IQCM: variants seen among roughly 807,000 people sequenced by gnomAD.
IQCM encodes the protein IQ motif containing M.
Under a neutral mutation model 57.6 loss-of-function variants are expected in IQCM, and 45 were observed. The ratio of observed to expected loss-of-function variants is 0.78; its 90% CI spans 0.62 to 1.00. The LOEUF is 1.00. Among genes scored for constraint, IQCM ranks in the 50% least tolerant of loss-of-function variants. IQCM has a pLI of 0.00. For missense variants in IQCM, 468 were observed against 511.6 expected, an observed-to-expected ratio of 0.91 and a Z score of 0.82; for synonymous variants, 148 against 158.9, an observed-to-expected ratio of 0.93 and a Z score of 0.51.
intron 12 of IQCM, among the ~76,000 whole-genome samples, chr4:149,481,809 A>T (rs1476814979): frequency 6.7e-6 from 1 of 149,678 alleles, no homozygotes; most frequent in African/African-American, 2.4e-5. Flanking sequence ...TATGTGAAGA[A>T]TGTCATTGGT....
chr4:149,750,333 A>C (rs1230623817), intron 2 of IQCM, among the ~76,000 whole-genome samples: 1 of 152,206 alleles, frequency 6.6e-6, no homozygotes, highest in Admixed American at 6.5e-5. Context: ...CAACCCTCAT[A>C]TGCCGAGAGA....
chr4:149,670,940 C>CTTTTTTTTTTTTTTTT (rs57287015), intron 7 of IQCM, among the ~76,000 whole-genome samples: 1 of 143,374 alleles, frequency 7.0e-6, no homozygotes. Context: ...AAAATTCTCT[C>CTTTTTTTTTTTTTTTT]TTTTTTTTTT....
At chr4:149,458,313 T>C (rs1295946967) in intron 12 of IQCM, among the ~76,000 whole-genome samples, 2 of 151,966 alleles carry the variant, frequency 1.3e-5, no homozygotes, top group Non-Finnish European at 2.9e-5. Flanking sequence ...TGTACTATGC[T>C]TAGTACTTTT....
At chr4:149,746,694 T>A (rs1433769026) in intron 2 of IQCM, among the ~76,000 whole-genome samples, 2 of 152,222 alleles carry the variant, frequency 1.3e-5, no homozygotes, top group Admixed American at 6.5e-5. Flanking sequence ...TTTTCTCATT[T>A]ACAAGGTAAA....
At chr4:149,801,450 T>C (rs1333624399) in intron 2 of IQCM, among the ~76,000 whole-genome samples, 3 of 152,102 alleles carry the variant, frequency 2.0e-5, no homozygotes, top group South Asian at 2.1e-4. Context: ...CCCATGTTTG[T>C]TGCAGCTCTG....
chr4:149,749,750 A>G (rs968907111), intron 2 of IQCM, among the ~76,000 whole-genome samples: 1 of 152,124 alleles, frequency 6.6e-6, no homozygotes, highest in Non-Finnish European at 1.5e-5. Context: ...TTTCAATATA[A>G]CCTATTAGAA....
chr4:149,598,739 TATTA>T (rs762503275), intron 8 of IQCM, among the ~76,000 whole-genome samples: 1 of 152,330 alleles, frequency 6.6e-6, no homozygotes, highest in Middle Eastern at 3.4e-3. Flanking sequence ...ACTTTGACAG[TATTA>T]ATTGTTTCCA....
intron 13 of IQCM, among the ~76,000 whole-genome samples, chr4:149,388,080 T>C (rs1731549258): frequency 6.6e-6 from 1 of 152,084 alleles, no homozygotes; most frequent in Admixed American, 6.6e-5. Flanking sequence ...GTTTATCCAT[T>C]CTTCAGTTGA....
At chr4:149,594,297 G>T (rs1753536897) in intron 8 of IQCM, among the ~76,000 whole-genome samples, 1 of 151,998 alleles carries the variant, frequency 6.6e-6, no homozygotes, top group Non-Finnish European at 1.5e-5. Context: ...TGGGATCAGT[G>T]GTGATATCTC....
At chr4:149,592,468 C>T (rs1322202230) in intron 8 of IQCM, among the ~76,000 whole-genome samples, 2 of 151,902 alleles carry the variant, frequency 1.3e-5, no homozygotes, top group Non-Finnish European at 2.9e-5. Flanking sequence ...TTAATTAGAT[C>T]CCATTTGTCA....
intron 13 of IQCM, among the ~76,000 whole-genome samples, chr4:149,366,234 C>G (rs1440361374): frequency 6.6e-6 from 1 of 151,950 alleles, no homozygotes; most frequent in East Asian, 1.9e-4. Context: ...AGAGTACCAA[C>G]AGTATAGTGG....
At chr4:149,775,532 T>C (rs1317540087) in intron 2 of IQCM, among the ~76,000 whole-genome samples, 2 of 152,250 alleles carry the variant, frequency 1.3e-5, no homozygotes, top group East Asian at 3.8e-4. Context: ...TTCTTTTCTA[T>C]AGTTCTATTT....
intron 12 of IQCM, among the ~76,000 whole-genome samples, chr4:149,478,488 A>G (rs1373843944): frequency 6.6e-6 from 1 of 152,222 alleles, no homozygotes; most frequent in East Asian, 1.9e-4. Context: ...AAAGAATGTC[A>G]TGATACATAA....
At chr4:149,364,969 A>ATT (rs1292437777) in intron 13 of IQCM, among the ~76,000 whole-genome samples, 1 of 151,992 alleles carries the variant, frequency 6.6e-6, no homozygotes, top group Non-Finnish European at 1.5e-5. Flanking sequence ...ATACAGATGG[A>ATT]TTATATATAT....
chr4:149,530,432 T>C (rs570263298), intron 12 of IQCM, among the ~76,000 whole-genome samples: 10 of 152,254 alleles, frequency 6.6e-5, no homozygotes, highest in African/African-American at 2.2e-4. Context: ...GAAAACTCTA[T>C]GTATCTATGG....
intron 2 of IQCM, among the ~76,000 whole-genome samples, chr4:149,776,771 T>C (rs1771127364): frequency 6.6e-6 from 1 of 152,018 alleles, no homozygotes; most frequent in African/African-American, 2.4e-5. Context: ...TTGTAACAAA[T>C]GAAGAATGGC....
At chr4:149,487,469 T>C (rs1262522383) in intron 12 of IQCM, among the ~76,000 whole-genome samples, 1 of 152,196 alleles carries the variant, frequency 6.6e-6, no homozygotes, top group Non-Finnish European at 1.5e-5. Flanking sequence ...CTTAGTCCAC[T>C]GTCTCTAAGC....
At chr4:149,597,632 C>A (rs536614472) in intron 8 of IQCM, among the ~76,000 whole-genome samples, 5 of 152,116 alleles carry the variant, frequency 3.3e-5, no homozygotes, top group South Asian at 2.1e-4. Flanking sequence ...CTCAAATGAT[C>A]TGCCTGCCTC....
chr4:149,379,550 C>A (rs72724061), intron 13 of IQCM, among the ~76,000 whole-genome samples: 33,279 of 152,106 alleles, frequency 0.22, 4,594 homozygotes, highest in Non-Finnish European at 0.3. Context: ...TTGCATGAGG[C>A]CTTTAGCCCC....
Sources: allele counts gnomAD v4.1 joint callset (sites outside exome capture counted in the v4.1 genomes callset), GRCh38; gene constraint gnomAD v4.1.1; transcripts MANE v1.5; gene names NCBI Gene and HGNC (gene_info 2026-07-23, HGNC 2026-07-21).